Variants in LTBP1 observed in about 807,000 individuals in gnomAD.
LTBP1 encodes latent transforming growth factor beta binding protein 1, also known as latent-transforming growth factor beta-binding protein 1.
LTBP1 carries 129 observed loss-of-function variants against 207.6 expected under a neutral mutation model. The ratio of observed to expected loss-of-function variants is 0.62; its 90% confidence interval spans 0.54 to 0.72. The LOEUF is 0.72. LTBP1 is among the 30% of genes least tolerant of loss of function. The probability of loss-of-function intolerance (pLI) is 0.00; values close to 1 mark genes in which losing one functional copy is unlikely to be tolerated. For synonymous variants in LTBP1, 963 were observed against 833.7 expected (o/e 1.16, Z -2.67); for missense variants, 2,281 against 2,217.2 (o/e 1.03, Z -0.58).
In LTBP1 at chr2:33,336,528, A is replaced by G. The variant is rs58053022; in HGVS notation, c.3731-6310A>G. On this transcript the variant is annotated intron_variant, in intron 24 of 33. Transcript: ENST00000404816. ...GGTTTCCGTTAAGTCAAAATGGACC[A>G]TATGATTCATCTAAAAATGTTCTAA... 6.3e-3 allele frequency among the ~76,000 whole-genome samples: 955 copies of G among 152,326 alleles called. 13 individuals are homozygous for G. The highest frequency in any genetic ancestry group is 0.022 in the African/African-American group (913 of 41,570).
At chr2:33,077,941 C>T (rs372108542) in intron 3 of LTBP1, among the ~76,000 whole-genome samples, 22 of 152,060 alleles carry the variant, frequency 1.4e-4, no homozygotes, top group East Asian at 1.2e-3. Context: ...AAGCAGGATC[C>T]GAACAGGAGG....
At chr2:33,084,914 C>T (rs1031020572) in intron 3 of LTBP1, among the ~76,000 whole-genome samples, 11 of 152,120 alleles carry the variant, frequency 7.2e-5, no homozygotes, top group African/African-American at 2.2e-4. Context: ...AATGATAACC[C>T]TCATCCCCCA....
At chr2:33,387,477 G>T (rs946006089) in intron 31 of LTBP1, among the ~76,000 whole-genome samples, 1 of 152,198 alleles carries the variant, frequency 6.6e-6, no homozygotes, top group Non-Finnish European at 1.5e-5. Flanking sequence ...GTGCTGGGAC[G>T]CCTGGAGTCT....
chr2:33,115,892 G>A (rs1381823042), intron 4 of LTBP1, among the ~76,000 whole-genome samples: 1 of 152,040 alleles, frequency 6.6e-6, no homozygotes, highest in Non-Finnish European at 1.5e-5. Flanking sequence ...AGTCCTTGAG[G>A]GTATAATAAG....
intron 3 of LTBP1, among the ~76,000 whole-genome samples, chr2:33,029,430 T>C (rs2075585400): frequency 6.6e-6 from 1 of 152,136 alleles, no homozygotes; most frequent in African/African-American, 2.4e-5. Context: ...TGGGCTGAGA[T>C]TGCGCCACTG....
chr2:33,321,280 C>CA (rs141463670), intron 24 of LTBP1, among the ~76,000 whole-genome samples: 5,229 of 152,280 alleles, frequency 0.034, 115 homozygotes, highest in Middle Eastern at 0.11. Context: ...ACTCTAACCC[C>CA]ATAACCTTCT....
intron 2 of LTBP1, among the ~76,000 whole-genome samples, chr2:32,982,094 A>G (rs959139643): frequency 6.6e-6 from 1 of 152,198 alleles, no homozygotes; most frequent in African/African-American, 2.4e-5. Context: ...GAAAGTTTGG[A>G]ACTTCCTAGA....
chr2:32,962,281 T>C (rs1026880807), intron 2 of LTBP1, among the ~76,000 whole-genome samples: 1 of 152,230 alleles, frequency 6.6e-6, no homozygotes, highest in Non-Finnish European at 1.5e-5. Flanking sequence ...CTCCTAAAAG[T>C]AGGGTTCGTG....
At chr2:33,169,044 A>G (rs1466228295) in intron 5 of LTBP1, among the ~76,000 whole-genome samples, 1 of 152,212 alleles carries the variant, frequency 6.6e-6, no homozygotes, top group African/African-American at 2.4e-5. Context: ...GGTGGGAATA[A>G]AAAGGAGTTG....
In LTBP1 at chr2:33,003,945, A is replaced by G. The variant is rs183509365; in HGVS notation, c.566-16964A>G. On this transcript the variant is annotated intron_variant, in intron 2 of 33. Coordinates refer to ENST00000404816, the MANE Select transcript of LTBP1 (RefSeq NM_206943.4). ...GCCTGTCCAACGTTGGGTTGATGCC[A>G]CCATTGTTACTGATACCTGTACCCA... is the stretch of plus-strand genomic sequence containing the variant. Among the ~76,000 whole-genome samples the G allele has an allele frequency of 3.6e-3, 550 of 152,304 alleles. 4 individuals carry two copies. The highest frequency in any genetic ancestry group is 0.013 in the African/African-American group (528 of 41,568).
At chr2:33,087,598 C>G (rs1206829599) in intron 3 of LTBP1, among the ~76,000 whole-genome samples, 1 of 152,160 alleles carries the variant, frequency 6.6e-6, no homozygotes, top group East Asian at 1.9e-4. Context: ...GACTTCAGAT[C>G]ACTTACCACT....
In LTBP1 at chr2:33,074,607, C is replaced by T. The variant is rs180711376; in HGVS notation, c.864-35975C>T. ...AATTAGGGCTGGGCACAGTGGCTCA[C>T]GCCTGTAATTCCAGCACTTTGGGAA... On this transcript the variant is annotated intron_variant, in intron 3 of 33. Coordinates refer to ENST00000404816, the MANE Select transcript of LTBP1 (RefSeq NM_206943.4). Among the ~76,000 whole-genome samples the T allele has an allele frequency of 3.4e-3, 516 of 152,226 alleles. 3 individuals are homozygous for T. Among genetic ancestry groups the T allele is most frequent in the African/African-American group, 0.011 (470 of 41,534 alleles).
At position 33,076,788 on chromosome 2, in the gene LTBP1, G is replaced by A. The variant is rs1475029381; in HGVS notation, c.864-33794G>A. ...TTGACCTCGTGATCCACCCGTCTCG[G>A]CCTCCCAAAGTACTGGGATTACAGG... On this transcript the variant is annotated intron_variant, in intron 3 of 33. Coordinates refer to ENST00000404816, the MANE Select transcript of LTBP1 (RefSeq NM_206943.4). Among the ~76,000 whole-genome samples the A allele has an allele frequency of 3.3e-5, 5 of 151,346 alleles. No individual in the cohort carries two copies. In the East Asian group the frequency reaches 9.8e-4, roughly 30 times the overall value.
chr2:33,256,305 C>T (rs2092848736), intron 11 of LTBP1, among the ~76,000 whole-genome samples: 1 of 152,024 alleles, frequency 6.6e-6, no homozygotes, highest in Admixed American at 6.6e-5. Context: ...ACTCTCTAGA[C>T]TCTTCCTCAC....
intron 2 of LTBP1, among the ~76,000 whole-genome samples, chr2:32,955,928 A>G (rs2148331388): frequency 6.6e-6 from 1 of 152,322 alleles, no homozygotes; most frequent in African/African-American, 2.4e-5. Flanking sequence ...GTTCAGTTCC[A>G]GCAAATATCT....
chr2:32,966,088 T>G (rs1019460542), intron 2 of LTBP1, among the ~76,000 whole-genome samples: 2 of 152,184 alleles, frequency 1.3e-5, no homozygotes, highest in Non-Finnish European at 2.9e-5. Flanking sequence ...AAATAACATA[T>G]GATGTTGAAC....
chr2:32,978,593 T>C (rs1398475072), intron 2 of LTBP1, among the ~76,000 whole-genome samples: 1 of 152,102 alleles, frequency 6.6e-6, no homozygotes, highest in Non-Finnish European at 1.5e-5. Flanking sequence ...TTGTTGAATT[T>C]GGTTTGTTAG....
chr2:33,081,398 C>T (rs1322749878), intron 3 of LTBP1, among the ~76,000 whole-genome samples: 1 of 152,040 alleles, frequency 6.6e-6, no homozygotes, highest in Non-Finnish European at 1.5e-5. Context: ...TGTATGGACA[C>T]ACACGAGCAT....
chr2:33,271,381 C>T (rs192956150), intron 15 of LTBP1, among the ~76,000 whole-genome samples: 1 of 151,964 alleles, frequency 6.6e-6, no homozygotes, highest in Non-Finnish European at 1.5e-5. Flanking sequence ...GGTCAATAAC[C>T]ACCCGGGAAA....
Sources: allele counts gnomAD v4.1 joint callset (sites outside exome capture counted in the v4.1 genomes callset), GRCh38; gene constraint gnomAD v4.1.1; transcripts MANE v1.5; gene names NCBI Gene and HGNC (gene_info 2026-07-23, HGNC 2026-07-21).